SHISA9: variants seen among roughly 807,000 people sequenced by gnomAD.
The protein encoded by SHISA9 is protein shisa-9.
In SHISA9, 13 loss-of-function variants were observed where a neutral mutation model predicts 38.0. The observed-to-expected ratio is 0.34, with a 90% CI of 0.22 to 0.54. The LOEUF (loss-of-function observed/expected upper bound fraction) is 0.54, where lower values mean the gene tolerates loss of function less well. Among genes scored for constraint, SHISA9 ranks in the 20% least tolerant of loss-of-function variants. SHISA9 has a pLI of 0.91. For missense variants in SHISA9, 538 were observed against 575.8 expected, an observed-to-expected ratio of 0.93 and a Z score of 0.67; for synonymous variants, 275 against 242.0, an observed-to-expected ratio of 1.14 and a Z score of -1.27.
intron 2 of SHISA9, among the ~76,000 whole-genome samples, chr16:12,965,669 T>TC (rs2071968304): frequency 6.6e-6 from 1 of 152,172 alleles, no homozygotes; most frequent in South Asian, 2.1e-4. Flanking sequence ...TGGGGTTTAC[T>TC]CCCCCTCCCA....
At chr16:13,270,772 T>G in the SHISA9 span, among the ~76,000 whole-genome samples, 4 of 152,374 alleles carry the variant, frequency 2.6e-5, no homozygotes, top group East Asian at 7.7e-4. Flanking sequence ...ATGATTTTTC[T>G]GTCTTATTAA....
At chr16:13,005,744 C>T (rs1288649471) in intron 2 of SHISA9, among the ~76,000 whole-genome samples, 3 of 152,172 alleles carry the variant, frequency 2.0e-5, no homozygotes, top group Non-Finnish European at 4.4e-5. Flanking sequence ...TGACCTTGCC[C>T]AACCACATGG....
At chr16:13,073,887 A>G (rs1038130494) in intron 2 of SHISA9, among the ~76,000 whole-genome samples, 7 of 151,564 alleles carry the variant, frequency 4.6e-5, no homozygotes, top group African/African-American at 1.5e-4. Flanking sequence ...TCCAGAAGAA[A>G]CCAAGTCTGT....
the SHISA9 span, among the ~76,000 whole-genome samples, chr16:13,485,962 A>G: frequency 1.6e-4 from 24 of 152,294 alleles, no homozygotes; most frequent in African/African-American, 5.8e-4. Context: ...GCTGCAAATG[A>G]CAGAATTTTG....
chr16:13,369,927 G>A, the SHISA9 span, among the ~76,000 whole-genome samples: 1 of 152,006 alleles, frequency 6.6e-6, no homozygotes, highest in African/African-American at 2.4e-5. Context: ...ACCTGGCCTA[G>A]GCATCTAATT....
chr16:13,299,893 G>A, the SHISA9 span, among the ~76,000 whole-genome samples: 3 of 152,092 alleles, frequency 2.0e-5, no homozygotes. Flanking sequence ...CAAATGGCAG[G>A]TACTGGTTGT....
At chr16:13,447,637 T>G in the SHISA9 span, among the ~76,000 whole-genome samples, 1 of 152,198 alleles carries the variant, frequency 6.6e-6, no homozygotes, top group African/African-American at 2.4e-5. Context: ...ATCATTTTCT[T>G]TGGGAGATAG....
chr16:13,396,096 G>A, the SHISA9 span, among the ~76,000 whole-genome samples: 1 of 152,198 alleles, frequency 6.6e-6, no homozygotes, highest in East Asian at 1.9e-4. Context: ...TGAATTAGAA[G>A]CGTTTATAAG....
intron 2 of SHISA9, among the ~76,000 whole-genome samples, chr16:13,003,303 G>T (rs1028440204): frequency 6.6e-6 from 1 of 152,160 alleles, no homozygotes; most frequent in Non-Finnish European, 1.5e-5. Context: ...GATCTATTTT[G>T]CTCCAGGTTA....
the SHISA9 span, among the ~76,000 whole-genome samples, chr16:13,457,651 A>G: frequency 6.6e-6 from 1 of 151,404 alleles, no homozygotes; most frequent in African/African-American, 2.4e-5. Flanking sequence ...ACCTAGAGCC[A>G]TTTTACCATC....
At chr16:12,931,381 C>A (rs2071459608) in intron 2 of SHISA9, among the ~76,000 whole-genome samples, 1 of 152,036 alleles carries the variant, frequency 6.6e-6, no homozygotes, top group Non-Finnish European at 1.5e-5. Flanking sequence ...ATCCTGTCAC[C>A]CAGGTGGTGA....
the SHISA9 span, among the ~76,000 whole-genome samples, chr16:13,527,407 G>A: frequency 1.1e-3 from 168 of 152,282 alleles, 2 homozygotes; most frequent in Non-Finnish European, 4.9e-4. Context: ...ACAAGATTTA[G>A]TCAGGCTAAT....
At chr16:13,001,381 G>C (rs1299877967) in intron 2 of SHISA9, among the ~76,000 whole-genome samples, 1 of 152,086 alleles carries the variant, frequency 6.6e-6, no homozygotes, top group African/African-American at 2.4e-5. Flanking sequence ...TAAGGATCGG[G>C]GGGCCTTTCT....
the SHISA9 span, among the ~76,000 whole-genome samples, chr16:13,482,292 C>G: frequency 6.6e-6 from 1 of 152,254 alleles, no homozygotes; most frequent in African/African-American, 2.4e-5. Flanking sequence ...TTGCAGCCTT[C>G]TCCATACAAT....
the SHISA9 span, among the ~76,000 whole-genome samples, chr16:13,451,845 C>G: frequency 2.6e-5 from 4 of 152,166 alleles, no homozygotes; most frequent in African/African-American, 9.7e-5. Context: ...GGTCTTTGCC[C>G]TGTGCATAAC....
the SHISA9 span, among the ~76,000 whole-genome samples, chr16:13,257,568 C>T: frequency 6.6e-6 from 1 of 152,156 alleles, no homozygotes; most frequent in Non-Finnish European, 1.5e-5. Context: ...ATTTTGATCA[C>T]CCCCTTTTGT....
chr16:13,343,930 G>C, the SHISA9 span, among the ~76,000 whole-genome samples: 5 of 152,130 alleles, frequency 3.3e-5, no homozygotes, highest in African/African-American at 1.2e-4. Flanking sequence ...TTAACAAGGA[G>C]AGAAAGGATA....
At chr16:13,300,644 C>T in the SHISA9 span, among the ~76,000 whole-genome samples, 1,993 of 152,250 alleles carry the variant, frequency 0.013, 56 homozygotes, top group African/African-American at 0.045. Context: ...CTGATGTACT[C>T]CCAGGGAATT....
the SHISA9 span, among the ~76,000 whole-genome samples, chr16:13,375,623 A>G: frequency 6.6e-6 from 1 of 152,194 alleles, no homozygotes; most frequent in Non-Finnish European, 1.5e-5. Context: ...AAATAGAAAA[A>G]AGAAAACATC....
Sources: allele counts gnomAD v4.1 joint callset (sites outside exome capture counted in the v4.1 genomes callset), GRCh38; gene constraint gnomAD v4.1.1; transcripts MANE v1.5; gene names NCBI Gene and HGNC (gene_info 2026-07-23, HGNC 2026-07-21).